The following WLS variants were observed in gnomAD, a reference collection of about 807,000 sequenced individuals.
WLS encodes the protein Wnt ligand secretion mediator, also known as protein wntless homolog.
WLS carries 23 observed loss-of-function variants against 62.8 expected under a neutral mutation model. The ratio of observed to expected loss-of-function variants is 0.37; its 90% CI spans 0.26 to 0.52. The LOEUF (loss-of-function observed/expected upper bound fraction) is 0.52. Among genes scored for constraint, WLS ranks in the 20% least tolerant of loss-of-function variants. WLS has a pLI of 0.92. For missense variants in WLS, 615 were observed against 697.3 expected, an observed-to-expected ratio of 0.88 and a Z score of 1.33; for synonymous variants, 246 against 244.1, an observed-to-expected ratio of 1.01 and a Z score of -0.07.
intron 11 of WLS, among the ~76,000 whole-genome samples, chr1:68,136,928 G>A (rs1328769080): frequency 6.6e-6 from 1 of 152,222 alleles, no homozygotes; most frequent in African/African-American, 2.4e-5. Context: ...ATTTGAGAAA[G>A]GGCTTCCTAT....
chr1:68,215,486 C>T (rs1649690227), intron 1 of WLS, among the ~76,000 whole-genome samples: 1 of 152,122 alleles, frequency 6.6e-6, no homozygotes, highest in Non-Finnish European at 1.5e-5. Flanking sequence ...TAGACATTCC[C>T]AGATTTGGCT....
chr1:68,193,756 A>C, intron 2 of WLS, 199 bp downstream of exon 2: 2 of 640,274 alleles, frequency 3.1e-6, no homozygotes. Flanking sequence ...AAATGAAATA[A>C]TAAGACTACC....
At chr1:68,159,322 T>C (rs1646941552) in intron 2 of WLS, 75 bp from the exon 3 acceptor site, 6 of 1,558,290 alleles carry the variant, frequency 3.9e-6, no homozygotes, top group East Asian at 2.3e-5. Context: ...AAAATTCTTA[T>C]AGGCTTTGAC....
At chr1:68,180,652 A>G (rs1647509074) in intron 2 of WLS, among the ~76,000 whole-genome samples, 1 of 152,154 alleles carries the variant, frequency 6.6e-6, no homozygotes, top group Non-Finnish European at 1.5e-5. Context: ...TGGATTACCA[A>G]TAAATAGCAT....
chr1:68,185,202 A>G (rs1647851240), intron 2 of WLS, among the ~76,000 whole-genome samples: 1 of 152,212 alleles, frequency 6.6e-6, no homozygotes, highest in African/African-American at 2.4e-5. Flanking sequence ...TCCCCACTTC[A>G]GATGCCCATC....
intron 11 of WLS, 67 bp from the exon 12 acceptor site, chr1:68,126,402 A>C (rs1646432224): frequency 2.4e-3 from 3,758 of 1,537,394 alleles, no homozygotes; most frequent in Non-Finnish European, 3.1e-3. Flanking sequence ...GGTTCATCTC[A>C]TGGACAACTG....
At chr1:68,215,280 G>C (rs1357171640) in intron 1 of WLS, among the ~76,000 whole-genome samples, 1 of 152,170 alleles carries the variant, frequency 6.6e-6, no homozygotes, top group East Asian at 1.9e-4. Flanking sequence ...ATCCAACTTT[G>C]AAAATAGTAT....
At chr1:68,127,069 CT>C in intron 11 of WLS, 1 of 400,776 alleles carries the variant, frequency 2.5e-6, no homozygotes, top group Non-Finnish European at 4.9e-6. Context: ...GTAACTCACA[CT>C]TGTAACCTCA....
chr1:68,187,761 C>G (rs916621373), intron 2 of WLS, among the ~76,000 whole-genome samples: 3 of 151,436 alleles, frequency 2.0e-5, no homozygotes, highest in Non-Finnish European at 4.4e-5. Flanking sequence ...ATAATGAATA[C>G]AAAACATCAT....
At chr1:68,196,660 C>T (rs1010930841) in intron 1 of WLS, among the ~76,000 whole-genome samples, 1 of 151,984 alleles carries the variant, frequency 6.6e-6, no homozygotes, top group Non-Finnish European at 1.5e-5. Flanking sequence ...AGGACAATGC[C>T]TATTAATACT....
intron 1 of WLS, among the ~76,000 whole-genome samples, chr1:68,228,786 C>T (rs1282269559): frequency 8.5e-6 from 1 of 118,012 alleles, no homozygotes; most frequent in Non-Finnish European, 1.6e-5. Context: ...TAAGATGTTG[C>T]TTTCAGAGCC....
At chr1:68,217,027 G>A (rs1416097785) in intron 1 of WLS, among the ~76,000 whole-genome samples, 1 of 152,094 alleles carries the variant, frequency 6.6e-6, no homozygotes, top group Admixed American at 6.6e-5. Flanking sequence ...AAACATGGAT[G>A]GAGCAATAAG....
At chr1:68,209,690 G>T (rs1304447706) in intron 1 of WLS, among the ~76,000 whole-genome samples, 3 of 151,992 alleles carry the variant, frequency 2.0e-5, no homozygotes, top group Non-Finnish European at 4.4e-5. Context: ...TGAGGCAGGA[G>T]AAATCACTTG....
Position 68,148,127 on chromosome 1 carries a change from G to A in WLS, c.1134+9C>T, listed in dbSNP as rs769709973. 1.2e-5 allele frequency: 19 copies of A among 1,614,160 alleles called. No individual in the cohort carries two copies. The highest frequency in any genetic ancestry group is 1.4e-5 in the Non-Finnish European group (17 of 1,179,996). ...GAAATAAAACCCTGAGCCCATCAAG[G>A]AAGGATACGGCCAGCTCTGTTCCAA... On this transcript the variant is annotated intron_variant, in intron 8 of 11. Transcript: ENST00000262348.
intron 2 of WLS, chr1:68,162,171 C>A (rs1646986249): frequency 1.4e-6 from 2 of 1,447,348 alleles, no homozygotes; most frequent in Admixed American, 3.3e-5. Context: ...TCAACGGACC[C>A]TGAGCAAAGC....
At chr1:68,193,560 TA>T (rs74508929) in intron 2 of WLS, among the ~76,000 whole-genome samples, 14 of 150,678 alleles carry the variant, frequency 9.3e-5, no homozygotes, top group East Asian at 5.8e-4. Context: ...AAAAGACATT[TA>T]AAAAAAAATA....
chr1:68,122,517 T>C (rs78294374), downstream of WLS, among the ~76,000 whole-genome samples: 1,942 of 152,330 alleles, frequency 0.013, 28 homozygotes, highest in Non-Finnish European at 0.021. Context: ...CAGTTTGATA[T>C]AGCAATTGCA....
At chr1:68,118,672 G>C (rs375036141) in intron 11 of WLS, among the ~76,000 whole-genome samples, 1 of 151,696 alleles carries the variant, frequency 6.6e-6, no homozygotes, top group Non-Finnish European at 1.5e-5. Flanking sequence ...TCAGGAGTTC[G>C]AGACCAGCCT....
chr1:68,138,860 G>A (rs192216706), intron 10 of WLS, among the ~76,000 whole-genome samples: 14 of 152,316 alleles, frequency 9.2e-5, no homozygotes, highest in Admixed American at 5.9e-4. Flanking sequence ...ATGAGGCTGC[G>A]TTGTATAAAC....
Sources: allele counts gnomAD v4.1 joint callset (sites outside exome capture counted in the v4.1 genomes callset), GRCh38; gene constraint gnomAD v4.1.1; transcripts MANE v1.5; gene names NCBI Gene and HGNC (gene_info 2026-07-23, HGNC 2026-07-21).